The following ELMO1 variants were observed in gnomAD, a reference collection of about 807,000 sequenced individuals.
ELMO1 encodes engulfment and cell motility 1.
ELMO1 carries 26 observed loss-of-function variants against 98.9 expected under a neutral mutation model. The ratio of observed to expected loss-of-function variants is 0.26; its 90% CI spans 0.19 to 0.36. The LOEUF is 0.36. ELMO1 is among the 10% of genes least tolerant of loss of function. ELMO1 has a pLI of 1.00. For synonymous variants in ELMO1, 346 were observed against 346.0 expected (o/e 1.00, Z 0.00); for missense variants, 627 against 935.2 (o/e 0.67, Z 4.30).
At chr7:37,386,833 C>T (rs78491249) in intron 1 of ELMO1, among the ~76,000 whole-genome samples, 2,345 of 152,336 alleles carry the variant, frequency 0.015, 65 homozygotes, top group African/African-American at 0.054. Context: ...TCCCTGCACA[C>T]GGCCTGGTGT....
intron 4 of ELMO1, among the ~76,000 whole-genome samples, chr7:37,286,811 T>C (rs557794408): frequency 1.2e-3 from 176 of 152,344 alleles, no homozygotes; most frequent in Admixed American, 2.6e-3. Flanking sequence ...TGGTGAAGTC[T>C]ATGGATCTTC....
chr7:37,211,793 T>C (rs1792991532), intron 12 of ELMO1, among the ~76,000 whole-genome samples: 1 of 152,202 alleles, frequency 6.6e-6, no homozygotes, highest in Non-Finnish European at 1.5e-5. Context: ...CAGTGCAGTC[T>C]TAACTGAGAG....
chr7:37,086,743 CAA>C (rs755237121), intron 15 of ELMO1, among the ~76,000 whole-genome samples: 13 of 48,810 alleles, frequency 2.7e-4, no homozygotes, highest in African/African-American at 6.4e-4. Flanking sequence ...ATCCTGTCTC[CAA>C]AAAAAAAAAA....
At chr7:37,340,638 T>G (rs1401476007) in intron 2 of ELMO1, among the ~76,000 whole-genome samples, 1 of 152,188 alleles carries the variant, frequency 6.6e-6, no homozygotes, top group Non-Finnish European at 1.5e-5. Flanking sequence ...GATTAAGATA[T>G]TAACATAAGG....
chr7:37,213,531 A>C, intron 11 of ELMO1, 74 bp from the exon 12 acceptor site: 2 of 1,411,320 alleles, frequency 1.4e-6, no homozygotes, highest in Non-Finnish European at 1.9e-6. Flanking sequence ...ACACTCAAGA[A>C]GGCTCTCACA....
intron 13 of ELMO1, among the ~76,000 whole-genome samples, chr7:37,150,872 T>C (rs1217651693): frequency 1.3e-5 from 2 of 152,250 alleles, no homozygotes; most frequent in African/African-American, 4.8e-5. Context: ...GTATGCCCAC[T>C]GTTCTCTAAC....
intron 4 of ELMO1, among the ~76,000 whole-genome samples, chr7:37,276,835 T>C (rs1227455738): frequency 6.6e-6 from 1 of 152,224 alleles, no homozygotes; most frequent in Admixed American, 6.5e-5. Flanking sequence ...AAGCATGCTT[T>C]GTATTGGAGG....
chr7:37,308,150 C>T (rs919164810), intron 4 of ELMO1, among the ~76,000 whole-genome samples: 13 of 152,060 alleles, frequency 8.5e-5, no homozygotes, highest in Non-Finnish European at 1.8e-4. Context: ...AAATAAAACA[C>T]CCATGCATTC....
At chr7:37,220,156 T>C (rs1017067914) in intron 10 of ELMO1, among the ~76,000 whole-genome samples, 1 of 152,234 alleles carries the variant, frequency 6.6e-6, no homozygotes, top group African/African-American at 2.4e-5. Flanking sequence ...CTTTTCTTCA[T>C]TATGAATCTG....
chr7:37,328,064 A>G (rs1799910625), intron 2 of ELMO1, among the ~76,000 whole-genome samples: 1 of 152,162 alleles, frequency 6.6e-6, no homozygotes, highest in Non-Finnish European at 1.5e-5. Flanking sequence ...ACTAATGAGC[A>G]AACCATATGA....
intron 1 of ELMO1, among the ~76,000 whole-genome samples, chr7:37,345,702 G>C (rs1800968904): frequency 6.7e-6 from 1 of 149,584 alleles, no homozygotes; most frequent in South Asian, 2.1e-4. Flanking sequence ...GCGAGACTCT[G>C]TCTCAAGCCG....
chr7:36,964,417 T>C (rs1789233573), intron 16 of ELMO1, among the ~76,000 whole-genome samples: 2 of 152,234 alleles, frequency 1.3e-5, no homozygotes, highest in Admixed American at 6.5e-5. Context: ...TATTAAATAC[T>C]ATACTGAAAG....
intron 7 of ELMO1, among the ~76,000 whole-genome samples, 173 bp from the exon 8 acceptor site, chr7:37,233,367 G>A (rs547231934): frequency 6.6e-6 from 1 of 151,302 alleles, no homozygotes; most frequent in African/African-American, 2.4e-5. Context: ...GGGCAGGACG[G>A]CCTTGATGAG....
intron 1 of ELMO1, among the ~76,000 whole-genome samples, chr7:37,426,306 A>G (rs1040713771): frequency 2.0e-5 from 3 of 151,414 alleles, no homozygotes; most frequent in African/African-American, 7.3e-5. Flanking sequence ...GATGCCCGCC[A>G]CCAAGCCCAG....
At chr7:37,426,993 TA>T (rs1489792847) in intron 1 of ELMO1, among the ~76,000 whole-genome samples, 1 of 151,516 alleles carries the variant, frequency 6.6e-6, no homozygotes, top group East Asian at 1.9e-4. Context: ...ATCCTTCTGC[TA>T]AAAAGATTCT....
intron 15 of ELMO1, among the ~76,000 whole-genome samples, chr7:37,060,032 G>A (rs544776792): frequency 6.6e-6 from 1 of 152,280 alleles, no homozygotes; most frequent in African/African-American, 2.4e-5. Flanking sequence ...TATGGATTAG[G>A]CCCTTTGTTA....
intron 1 of ELMO1, among the ~76,000 whole-genome samples, chr7:37,420,859 C>A (rs1474878573): frequency 1.3e-5 from 2 of 152,224 alleles, no homozygotes; most frequent in African/African-American, 2.4e-5. Flanking sequence ...ATCTTGCTGG[C>A]TCTCTTCGGA....
At chr7:37,398,523 AT>A (rs1182755126) in intron 1 of ELMO1, among the ~76,000 whole-genome samples, 5 of 152,294 alleles carry the variant, frequency 3.3e-5, no homozygotes, top group Admixed American at 2.0e-4. Context: ...CCAGGATTGT[AT>A]TTACTTCCTG....
chr7:37,422,281 C>T (rs1804507247), intron 1 of ELMO1, among the ~76,000 whole-genome samples: 2 of 152,140 alleles, frequency 1.3e-5, no homozygotes, highest in African/African-American at 4.8e-5. Context: ...AATGAGCCTG[C>T]GTTATTCATC....
Sources: gnomAD v4.1 joint callset for allele counts (sites outside exome capture counted in the v4.1 genomes callset) on GRCh38, gnomAD v4.1.1 for gene constraint, MANE v1.5 for transcripts, NCBI Gene and HGNC (gene_info 2026-07-23, HGNC 2026-07-21) for gene names.